Variants in NREP observed in about 807,000 individuals in gnomAD.
The protein encoded by NREP is neuronal regeneration related protein.
In NREP, 5 loss-of-function variants were observed where a neutral mutation model predicts 8.6. That is an observed-to-expected ratio of 0.58 (90% CI 0.30 to 1.22). NREP has a LOEUF of 1.22. Ranked by LOEUF, NREP falls within the 50% of genes most tolerant of loss-of-function variation. The pLI, the probability that NREP is intolerant of heterozygous loss-of-function variation, is 0.07. For missense variants in NREP, 86 were observed against 82.5 expected (o/e 1.04, Z -0.17); for synonymous variants, 27 against 28.0 (o/e 0.96, Z 0.11).
intron 2 of NREP, among the ~76,000 whole-genome samples, chr5:111,931,714 C>T (rs1561353254): frequency 6.6e-6 from 1 of 152,116 alleles, no homozygotes; most frequent in Non-Finnish European, 1.5e-5. Context: ...CTGACCTTCT[C>T]AAACAAAGGC....
chr5:111,813,356 C>T (rs1283569939), intron 2 of NREP, among the ~76,000 whole-genome samples: 1 of 152,074 alleles, frequency 6.6e-6, no homozygotes, highest in Non-Finnish European at 1.5e-5. Flanking sequence ...TAATATTTTT[C>T]CAAAATGAGC....
chr5:111,900,134 CAA>C (rs1331184688), intron 2 of NREP, among the ~76,000 whole-genome samples: 9 of 151,856 alleles, frequency 5.9e-5, no homozygotes, highest in African/African-American at 2.2e-4. Context: ...AAATTAATAA[CAA>C]GAGAAACTTT....
At chr5:111,857,352 G>A (rs940467778) in intron 2 of NREP, among the ~76,000 whole-genome samples, 2 of 152,204 alleles carry the variant, frequency 1.3e-5, no homozygotes, top group African/African-American at 4.8e-5. Flanking sequence ...AGACAGGAGA[G>A]CAGAATCCAA....
rs1751717799 is a variant in NREP, at chr5:111,790,481, T to C, written c.136-54974A>G. ...TATTTGTTCAGGAATGTTTACCTAC[T>C]GGGCACAGTGGCTCACACCTGTAAT... On this transcript the variant is annotated intron_variant, in intron 2 of 3. Coordinates refer to the NREP transcript ENST00000395634. 2.0e-5 allele frequency among the ~76,000 whole-genome samples: 3 copies of C among 146,660 alleles called. No individual in the cohort carries two copies. In the South Asian group the frequency reaches 6.7e-4, roughly 33 times the overall value.
chr5:111,804,501 T>C (rs1205496299), intron 2 of NREP, among the ~76,000 whole-genome samples: 3 of 152,208 alleles, frequency 2.0e-5, no homozygotes, highest in African/African-American at 7.2e-5. Flanking sequence ...CAGATGTGTG[T>C]ATGTGTATGT....
chr5:111,761,200 A>G (rs1750952404), upstream of NREP, among the ~76,000 whole-genome samples: 1 of 152,266 alleles, frequency 6.6e-6, no homozygotes, highest in African/African-American at 2.4e-5. Context: ...CATATACAGT[A>G]GCAATAGGTA....
intron 2 of NREP, among the ~76,000 whole-genome samples, chr5:111,960,199 A>G (rs765533692): frequency 2.6e-5 from 4 of 152,146 alleles, no homozygotes; most frequent in Non-Finnish European, 5.9e-5. Flanking sequence ...AGCAAAATTA[A>G]AAATCAGAGA....
chr5:111,956,225 G>T (rs1430915045), intron 2 of NREP, among the ~76,000 whole-genome samples: 3 of 152,014 alleles, frequency 2.0e-5, no homozygotes, highest in Non-Finnish European at 4.4e-5. Flanking sequence ...TGGGCTCACA[G>T]ACAAGAATTG....
chr5:111,960,552 T>C (rs1485067845), intron 2 of NREP, among the ~76,000 whole-genome samples: 1 of 152,204 alleles, frequency 6.6e-6, no homozygotes, highest in Non-Finnish European at 1.5e-5. Flanking sequence ...AAAAACCTCA[T>C]CTCTGTTTGA....
chr5:111,964,561 G>T lies in NREP; in HGVS notation c.135+10713C>A, dbSNP rs542739505. Among the ~76,000 whole-genome samples the T allele has an allele frequency of 9.3e-4, 141 of 151,966 alleles. 1 individual carries two copies. Among genetic ancestry groups the T allele is most frequent in the Non-Finnish European group, 1.6e-3 (111 of 67,946 alleles). The stretch of plus-strand genomic sequence containing the variant: ...ATTTTTGTATATTTAGTAGAGGTGG[G>T]GTTTGCCCATGTTGGCCAGGCTGGT... On this transcript the variant is annotated intron_variant, in intron 2 of 3. Coordinates refer to the NREP transcript ENST00000395634.
intron 2 of NREP, among the ~76,000 whole-genome samples, chr5:111,957,616 T>G (rs574483775): frequency 6.6e-6 from 1 of 152,024 alleles, no homozygotes; most frequent in Non-Finnish European, 1.5e-5. Context: ...AAAGGATTTA[T>G]AATCCATTTT....
At chr5:111,917,105 G>A (rs1187984248) in intron 2 of NREP, among the ~76,000 whole-genome samples, 1 of 152,032 alleles carries the variant, frequency 6.6e-6, no homozygotes, top group Non-Finnish European at 1.5e-5. Context: ...TTTCCTTAGG[G>A]TGGGCTTCCC....
In NREP at chr5:111,751,977, T is replaced by A. The variant is rs1170548607; in HGVS notation, c.3+3793A>T. Among the ~76,000 whole-genome samples, 3 of 152,216 alleles carry A rather than the reference T, an allele frequency of 2.0e-5. No individual in the cohort carries two copies. In the East Asian group the frequency reaches 5.8e-4, roughly 29 times the overall value. The stretch of plus-strand genomic sequence containing the variant: ...CAGTGCATCTGAATGCCACATCAGG[T>A]CTTTAACTGACCAAGTAAATTAATA... On this transcript the variant is annotated intron_variant, in intron 2 of 3. Coordinates refer to ENST00000257435, the MANE Select transcript of NREP (RefSeq NM_004772.4).
At chr5:111,831,172 C>T (rs1031911934) in intron 2 of NREP, among the ~76,000 whole-genome samples, 2 of 152,108 alleles carry the variant, frequency 1.3e-5, no homozygotes, top group African/African-American at 2.4e-5. Context: ...CATCTGGAAG[C>T]GCATCTGTGG....
At chr5:111,742,202 T>C (rs1278927990) in intron 2 of NREP, among the ~76,000 whole-genome samples, 1 of 152,162 alleles carries the variant, frequency 6.6e-6, no homozygotes, top group African/African-American at 2.4e-5. Context: ...CTGTCCAACA[T>C]TACATGTCAG....
chr5:111,861,663 T>C (rs936835419), intron 2 of NREP, among the ~76,000 whole-genome samples: 4 of 152,192 alleles, frequency 2.6e-5, no homozygotes, highest in Non-Finnish European at 5.9e-5. Context: ...TTGAAATGCT[T>C]TTCATTAGGT....
chr5:111,757,738 A>G, upstream of NREP: 1 of 984,034 alleles, frequency 1.0e-6, no homozygotes, highest in Non-Finnish European at 1.2e-6. Context: ...CCGCCCCGGG[A>G]GCACGGCGCG....
Position 111,809,870 on chromosome 5 carries a change from C to CGTGTGTGT in NREP, c.136-74371_136-74364dup, listed in dbSNP as rs3223253. On this transcript the variant is annotated intron_variant, in intron 2 of 3. Coordinates refer to the NREP transcript ENST00000395634. ...ACCACCTCATTGACTGGGACTTTGG[C>CGTGTGTGT]GTGTGTGTGTGTGTGTGTGTGTGTG... Among the ~76,000 whole-genome samples the CGTGTGTGT allele has an allele frequency of 1.6e-4, 23 of 144,206 alleles. No individual in the cohort carries two copies. In the East Asian group the frequency reaches 1.6e-3, roughly 10 times the overall value. 94.6% of individuals were successfully genotyped at this position (144,206 alleles called of 152,430 possible).
intron 2 of NREP, among the ~76,000 whole-genome samples, chr5:111,879,997 G>T (rs6594556): frequency 6.6e-6 from 1 of 151,946 alleles, no homozygotes; most frequent in African/African-American, 2.4e-5. Flanking sequence ...AATTTGGGGA[G>T]ATATAAACAT....
Sources: gnomAD v4.1 joint callset for allele counts (sites outside exome capture counted in the v4.1 genomes callset) on GRCh38, gnomAD v4.1.1 for gene constraint, MANE v1.5 for transcripts, NCBI Gene and HGNC (gene_info 2026-07-23, HGNC 2026-07-21) for gene names.